Variants in SCP2 observed in about 807,000 individuals in gnomAD.
SCP2 encodes the protein sterol carrier protein 2.
A neutral mutation model predicts 71.4 loss-of-function variants in SCP2; 48 were observed. The ratio of observed to expected loss-of-function variants is 0.67; its 90% CI spans 0.53 to 0.86. The LOEUF (loss-of-function observed/expected upper bound fraction) is 0.86, where lower values mean the gene tolerates loss of function less well. SCP2 is among the 40% of genes least tolerant of loss of function. The probability of loss-of-function intolerance (pLI) is 0.00; values close to 1 mark genes in which losing one functional copy is unlikely to be tolerated. For synonymous variants in SCP2, 220 were observed against 218.1 expected (o/e 1.01, Z -0.08); for missense variants, 560 against 655.6 (o/e 0.85, Z 1.59).
intron 12 of SCP2, among the ~76,000 whole-genome samples, chr1:53,016,514 T>TA (rs888763392): frequency 3.9e-5 from 6 of 152,300 alleles, no homozygotes; most frequent in Admixed American, 1.3e-4. Context: ...GAAGGCAACA[T>TA]ACTTTTTTCA....
chr1:53,044,613 A>G (rs1029636728), intron 14 of SCP2, among the ~76,000 whole-genome samples: 3 of 152,192 alleles, frequency 2.0e-5, no homozygotes, highest in Non-Finnish European at 2.9e-5. Flanking sequence ...GTTTCAGATC[A>G]GTGCACTGTG....
At chr1:52,950,686 A>G in intron 3 of SCP2, 69 bp from the exon 4 acceptor site, 1 of 1,283,780 alleles carries the variant, frequency 7.8e-7, no homozygotes, top group Non-Finnish European at 1.1e-6. Context: ...GAAAAAACCC[A>G]TAATGTAGTA....
intron 11 of SCP2, chr1:52,993,586 A>G: frequency 2.5e-6 from 4 of 1,610,104 alleles, no homozygotes; most frequent in Non-Finnish European, 3.4e-6. Flanking sequence ...TCATGGCTCC[A>G]AGCTCTTCTT....
At chr1:52,930,376 G>A (rs1653032858) in intron 1 of SCP2, among the ~76,000 whole-genome samples, 1 of 151,938 alleles carries the variant, frequency 6.6e-6, no homozygotes, top group South Asian at 2.1e-4. Context: ...TGAAATCTCA[G>A]TACTTTAGGA....
chr1:52,950,945 C>T lies in SCP2; in HGVS notation c.331+59C>T, dbSNP rs375056912. On this transcript the variant is annotated intron_variant, in intron 4 of 15. Coordinates refer to ENST00000371514, the MANE Select transcript of SCP2 (RefSeq NM_002979.5). ...GCCCCATTTTAATCATTTAATCACACGACCATCAGAGGAATTATTTTATAA... is the reference window on the plus strand; with the variant it reads ...GCCCCATTTTAATCATTTAATCACATGACCATCAGAGGAATTATTTTATAA... 153 of 1,512,326 alleles carry T rather than the reference C, an allele frequency of 1.0e-4. No homozygotes were observed. The East Asian group carries it at 1.7e-3, about 17-fold the overall frequency. 93.7% of individuals were successfully genotyped at this position (1,512,326 alleles called of 1,614,324 possible). A position where few individuals can be genotyped will look rare whatever the true frequency, so the allele number is the denominator to read the frequency against.
Position 52,941,804 on chromosome 1 carries a change from G to A in SCP2, c.78G>A (p.Lys26=). The stretch of plus-strand genomic sequence containing the variant: ...TCTTTCTATATCTCTAGTTTGTGAA[G>A]CCTGGAGCTGAGAATTCAAGAGACT... ...VVGVGMTKFV[K]PGAENSRDYP... Residue 26 remains lysine (K), a synonymous_variant, in exon 2 of 16, where the codon AAG becomes AAA. Transcript: ENST00000371514. 6.2e-7 allele frequency: 1 copy of A among 1,600,106 alleles called. No individual in the cohort carries two copies. The highest frequency in any genetic ancestry group is 8.6e-7 in the Non-Finnish European group (1 of 1,167,424).
intron 12 of SCP2, among the ~76,000 whole-genome samples, chr1:53,024,236 T>C (rs568087167): frequency 2.0e-5 from 3 of 152,284 alleles, no homozygotes; most frequent in Non-Finnish European, 4.4e-5. Context: ...TCATAGTACC[T>C]AGAGGTACCT....
intron 12 of SCP2, among the ~76,000 whole-genome samples, chr1:53,025,671 T>C (rs374557737): frequency 6.6e-6 from 1 of 152,190 alleles, no homozygotes; most frequent in East Asian, 1.9e-4. Context: ...CCACTCTCTA[T>C]CTACTGGCAG....
intron 7 of SCP2, among the ~76,000 whole-genome samples, 180 bp from the exon 8 acceptor site, chr1:52,976,503 T>TA (rs1557578377): frequency 3.3e-5 from 5 of 152,170 alleles, no homozygotes; most frequent in African/African-American, 4.8e-5. Flanking sequence ...AAATAAAACA[T>TA]ACTGTATTTT....
chr1:53,018,200 CA>C (rs762505071), intron 12 of SCP2, among the ~76,000 whole-genome samples: 5 of 152,138 alleles, frequency 3.3e-5, no homozygotes, highest in Non-Finnish European at 5.9e-5. Flanking sequence ...TACAAACAAA[CA>C]GGAAAAAATT....
Position 52,978,273 on chromosome 1 carries a change from A to G in SCP2, c.731A>G (p.Lys244Arg), listed in dbSNP as rs201663646. 33 of 1,614,118 alleles carry G rather than the reference A, an allele frequency of 2.0e-5. No homozygotes were observed. The East Asian group carries it at 7.1e-4, about 35-fold the overall frequency. Residue 244 changes from lysine to arginine, a missense_variant, in exon 9 of 16, where the codon AAG becomes AGG. Around this residue, in one of 3 missense-constraint regions of SCP2, gnomAD observed 513 missense variants for 573.1 expected, o/e 0.90. Transcript: ENST00000371514. ...TTGGCCAGTGAAGCATTTGTACAGA[A>G]GTATGGCCTGCAATCCAAAGCTGTG... ...AILASEAFVQ[K>R]YGLQSKAVEI... is the part of the protein sequence containing the mutation.
intron 14 of SCP2, among the ~76,000 whole-genome samples, chr1:53,042,193 T>G (rs185033604): frequency 6.6e-6 from 1 of 151,856 alleles, no homozygotes; most frequent in East Asian, 1.9e-4. Flanking sequence ...TAAGGTGGTG[T>G]ACAAAGAAAA....
intron 13 of SCP2, among the ~76,000 whole-genome samples, chr1:53,036,019 C>CAAAAAA (rs35164089): frequency 1.1e-4 from 7 of 63,258 alleles, no homozygotes; most frequent in South Asian, 5.3e-4. Context: ...GACTCCGTCT[C>CAAAAAA]AAAAAAAAAA....
At chr1:53,009,619 AATT>A (rs1660857716) in intron 11 of SCP2, among the ~76,000 whole-genome samples, 1 of 152,208 alleles carries the variant, frequency 6.6e-6, no homozygotes, top group South Asian at 2.1e-4. Flanking sequence ...CTTATACAAA[AATT>A]AATTCAAGAT....
rs376277989 is a variant in SCP2, at chr1:52,961,587, C to T, written c.481C>T (p.Gln161Ter). ...YGLSAHPVAP[Q>*]MFGYAGKEHM... ...ATTGTCTGCTCACCCAGTTGCTCCT[C>T]AGATGTTTGGGTATGCTGGAAAAGA... The change falls in exon 6 of 16, where the codon CAG (glutamine) becomes TAG (stop). Residue 161 changes from glutamine to a stop codon, truncating the protein, a stop_gained. Coordinates refer to ENST00000371514, the MANE Select transcript of SCP2 (RefSeq NM_002979.5). LOFTEE classifies it high-confidence loss of function. 1.5e-5 allele frequency: 25 copies of T among 1,613,788 alleles called. No homozygotes were observed. The highest frequency in any genetic ancestry group is 2.1e-5 in the Non-Finnish European group (25 of 1,179,814).
At chr1:52,990,837 G>A (rs1188575809) in intron 11 of SCP2, among the ~76,000 whole-genome samples, 4 of 151,762 alleles carry the variant, frequency 2.6e-5, no homozygotes, top group Non-Finnish European at 5.9e-5. Flanking sequence ...GAAGGAGAGT[G>A]TTTCAAAAGT....
intron 1 of SCP2, among the ~76,000 whole-genome samples, chr1:52,934,057 G>A (rs1653421841): frequency 6.6e-6 from 1 of 152,210 alleles, no homozygotes. Flanking sequence ...CAACCCTTAA[G>A]AGATGATTTG....
At chr1:52,976,825 C>A in intron 8 of SCP2, 56 bp downstream of exon 8, 1 of 899,108 alleles carries the variant, frequency 1.1e-6, no homozygotes, top group South Asian at 1.3e-5. Context: ...CCCTTCCTGC[C>A]ACCCCCCTGT....
At chr1:52,996,381 G>T (rs1659940780) in intron 11 of SCP2, among the ~76,000 whole-genome samples, 1 of 152,132 alleles carries the variant, frequency 6.6e-6, no homozygotes, top group Non-Finnish European at 1.5e-5. Flanking sequence ...GTGGATAATG[G>T]CCACCATCCT....
Sources: gnomAD v4.1 joint callset for allele counts (sites outside exome capture counted in the v4.1 genomes callset) on GRCh38, gnomAD v4.1.1 for gene constraint, gnomAD v4.1.1 regional missense constraint, MANE v1.5 for transcripts, NCBI Gene and HGNC (gene_info 2026-07-23, HGNC 2026-07-21) for gene names.